The following ANKRD6 variants were observed in gnomAD, a reference collection of about 807,000 sequenced individuals.
The protein encoded by ANKRD6 is ankyrin repeat domain-containing protein 6.
In ANKRD6, 56 loss-of-function variants were observed where a neutral mutation model predicts 82.3. That is an observed-to-expected ratio of 0.68 (90% CI 0.55 to 0.85). The LOEUF is 0.85. Among genes scored for constraint, ANKRD6 ranks in the 40% least tolerant of loss-of-function variants. The pLI, the probability that ANKRD6 is intolerant of heterozygous loss-of-function variation, is 0.00. For synonymous variants in ANKRD6, 347 were observed against 352.1 expected (o/e 0.99, Z 0.16); for missense variants, 852 against 907.6 (o/e 0.94, Z 0.79).
chr6:89,548,500 A>C (rs1254323349), intron 1 of ANKRD6, among the ~76,000 whole-genome samples: 1 of 152,200 alleles, frequency 6.6e-6, no homozygotes, highest in Non-Finnish European at 1.5e-5. Flanking sequence ...ATTTGTATAC[A>C]AGTTTTGTGT....
chr6:89,444,558 T>C (rs1771824442), intron 1 of ANKRD6, among the ~76,000 whole-genome samples: 1 of 152,232 alleles, frequency 6.6e-6, no homozygotes, highest in South Asian at 2.1e-4. Flanking sequence ...TACTTTGAAA[T>C]ATAAGTAAAC....
chr6:89,504,340 A>G (rs1196444166), intron 1 of ANKRD6, among the ~76,000 whole-genome samples: 1 of 152,096 alleles, frequency 6.6e-6, no homozygotes, highest in Non-Finnish European at 1.5e-5. Flanking sequence ...GGTTCTCCAT[A>G]GAGGGTAGCT....
Position 89,623,853 on chromosome 6 carries a change from G to A in ANKRD6, c.1033-19G>A, listed in dbSNP as rs536767744. 1.2e-6 allele frequency: 2 copies of A among 1,606,034 alleles called. No individual in the cohort carries two copies. The highest frequency in any genetic ancestry group is 2.2e-5 in the South Asian group (2 of 89,504). Reference sequence around the variant, plus strand: ...AGAGGTCAAAGCGTTCAGGGGTGTTGTCTCTTCCTCTCTTACAGGTGTCAG... The same window carrying A: ...AGAGGTCAAAGCGTTCAGGGGTGTTATCTCTTCCTCTCTTACAGGTGTCAG... On this transcript the variant is annotated intron_variant, in intron 11 of 15. Transcript: ENST00000339746.
Position 89,627,654 on chromosome 6 carries a change from A to C in ANKRD6, c.1443A>C (p.Gln481His), listed in dbSNP as rs768949080. ...AERTECLNRL[Q>H]QHSDTEKHEG... ...GGACGGAGTGCCTGAACCGCCTGCA[A>C]CAGCACTCAGACACAGAGAAGCATG... is the stretch of plus-strand genomic sequence containing the variant. Residue 481 changes from glutamine (Q) to histidine (H), a missense_variant, in exon 14 of 16, where the codon CAA becomes CAC. By Grantham distance (24) the Gln-to-His change is conservative. Transcript: ENST00000339746. 4 of 1,613,852 alleles carry C rather than the reference A, an allele frequency of 2.5e-6. No homozygotes were observed. The Admixed American group carries it at 6.7e-5, about 27-fold the overall frequency.
chr6:89,487,697 C>T (rs1319491346), intron 1 of ANKRD6, among the ~76,000 whole-genome samples: 4 of 152,176 alleles, frequency 2.6e-5, no homozygotes, highest in Admixed American at 2.6e-4. Flanking sequence ...AGGTGGCTCA[C>T]CTACGCTTGG....
intron 1 of ANKRD6, among the ~76,000 whole-genome samples, chr6:89,461,970 G>A (rs761008380): frequency 2.6e-5 from 4 of 152,024 alleles, no homozygotes; most frequent in South Asian, 2.1e-4. Flanking sequence ...AGTGGCTCAC[G>A]CTTGTAATCC....
At chr6:89,599,542 C>T (rs779994171) in intron 3 of ANKRD6, among the ~76,000 whole-genome samples, 5 of 152,256 alleles carry the variant, frequency 3.3e-5, no homozygotes, top group East Asian at 3.9e-4. Context: ...CTTGTTTCTT[C>T]GTGTCATTTC....
chr6:89,520,312 T>G (rs1781741423), intron 1 of ANKRD6, among the ~76,000 whole-genome samples: 2 of 152,242 alleles, frequency 1.3e-5, no homozygotes, highest in African/African-American at 4.8e-5. Flanking sequence ...GCAAAAGCCC[T>G]GCAACCTACA....
At chr6:89,622,260 C>T (rs374745859) in intron 10 of ANKRD6, among the ~76,000 whole-genome samples, 34 of 152,300 alleles carry the variant, frequency 2.2e-4, no homozygotes, top group African/African-American at 6.3e-4. Flanking sequence ...GTCCAGTACA[C>T]GTGGGGGGCA....
intron 1 of ANKRD6, among the ~76,000 whole-genome samples, chr6:89,544,603 A>T (rs1353886494): frequency 6.6e-6 from 1 of 152,112 alleles, no homozygotes; most frequent in Non-Finnish European, 1.5e-5. Context: ...AGTTCCAGCT[A>T]CTCAGGAGGC....
intron 1 of ANKRD6, among the ~76,000 whole-genome samples, chr6:89,496,226 C>T (rs1778608134): frequency 6.7e-6 from 1 of 150,000 alleles, no homozygotes; most frequent in African/African-American, 2.5e-5. Context: ...TTTGGGAAGA[C>T]AATGTTTGAA....
intron 1 of ANKRD6, among the ~76,000 whole-genome samples, chr6:89,483,066 G>T (rs898689838): frequency 6.6e-6 from 1 of 152,182 alleles, no homozygotes; most frequent in African/African-American, 2.4e-5. Context: ...TCTCTGAAAT[G>T]TTGTCTTTTT....
In ANKRD6 at chr6:89,626,013, G is replaced by A. The variant is rs545121897; in HGVS notation, c.1371+1322G>A. 1.2e-4 allele frequency among the ~76,000 whole-genome samples: 18 copies of A among 152,274 alleles called. No homozygotes were observed. The South Asian group carries it at 3.7e-3, about 32-fold the overall frequency. ...GCCTCCCAAGGTGCTGGGATTTTAG[G>A]TGTGATCCACCATGCCCTGCCCTTT... is the stretch of plus-strand genomic sequence containing the variant. On this transcript the variant is annotated intron_variant, in intron 13 of 15. Coordinates refer to ENST00000339746, the MANE Select transcript of ANKRD6 (RefSeq NM_001242809.2).
At chr6:89,466,967 A>G (rs117199467) in intron 1 of ANKRD6, among the ~76,000 whole-genome samples, 1,731 of 152,282 alleles carry the variant, frequency 0.011, 17 homozygotes, top group South Asian at 0.036. Flanking sequence ...TTGGCCTCCC[A>G]AAGTGCTGGG....
intron 1 of ANKRD6, among the ~76,000 whole-genome samples, chr6:89,494,845 C>T (rs914847258): frequency 6.6e-6 from 1 of 152,182 alleles, no homozygotes; most frequent in Non-Finnish European, 1.5e-5. Flanking sequence ...TTAGGAAACT[C>T]ATTACCACAT....
intron 13 of ANKRD6, among the ~76,000 whole-genome samples, chr6:89,627,370 T>A (rs1187686533): frequency 6.6e-6 from 1 of 152,204 alleles, no homozygotes. Context: ...CAAATAAGAT[T>A]TTTTAAAAAA....
chr6:89,531,439 A>G (rs1023960022), intron 1 of ANKRD6, among the ~76,000 whole-genome samples: 8 of 152,246 alleles, frequency 5.3e-5, no homozygotes. Flanking sequence ...GGATCGAAGC[A>G]TCTTGATATT....
chr6:89,496,397 G>A (rs1178166245), intron 1 of ANKRD6, among the ~76,000 whole-genome samples: 1 of 152,164 alleles, frequency 6.6e-6, no homozygotes, highest in African/African-American at 2.4e-5. Context: ...TGAAGTCAAC[G>A]TGTAAACACA....
chr6:89,457,453 A>C (rs188433550), intron 1 of ANKRD6, among the ~76,000 whole-genome samples: 19 of 152,360 alleles, frequency 1.2e-4, no homozygotes, highest in Admixed American at 7.8e-4. Flanking sequence ...CATCAAAATT[A>C]AACATTACTA....
Sources: gnomAD v4.1 joint callset for allele counts (sites outside exome capture counted in the v4.1 genomes callset) on GRCh38, gnomAD v4.1.1 for gene constraint, MANE v1.5 for transcripts, NCBI Gene and HGNC (gene_info 2026-07-23, HGNC 2026-07-21) for gene names.